Variants in ADAMTS6 observed in about 807,000 individuals in gnomAD.
ADAMTS6 encodes ADAM metallopeptidase with thrombospondin type 1 motif 6, also known as A disintegrin and metalloproteinase with thrombospondin motifs 6.
Under a neutral mutation model 144.3 loss-of-function variants are expected in ADAMTS6, and 23 were observed. The observed-to-expected ratio is 0.16, with a 90% confidence interval of 0.11 to 0.23. The LOEUF (loss-of-function observed/expected upper bound fraction) is 0.23, where lower values mean the gene tolerates loss of function less well. ADAMTS6 is among the 10% of genes least tolerant of loss of function. The probability of loss-of-function intolerance (pLI) is 1.00; values close to 1 mark genes in which losing one functional copy is unlikely to be tolerated. For missense variants in ADAMTS6, 999 were observed against 1,379.6 expected (o/e 0.72, Z 4.37); for synonymous variants, 444 against 457.5 (o/e 0.97, Z 0.38).
chr5:65,407,007 G>A lies in ADAMTS6; in HGVS notation c.1073+44468C>T, dbSNP rs577896484. On this transcript the variant is annotated intron_variant, in intron 7 of 24. Coordinates refer to ENST00000381055, the MANE Select transcript of ADAMTS6 (RefSeq NM_197941.4). ...ATGTGAAAAGACCAAATCTACGTCT[G>A]CTTGGTGTACCTGAAAGTGACAGGG... Among the ~76,000 whole-genome samples, 4 of 152,244 alleles carry A rather than the reference G, an allele frequency of 2.6e-5. No homozygotes were observed. In the South Asian group the frequency reaches 6.2e-4, roughly 24 times the overall value.
chr5:65,249,404 A>C (rs1401362221), intron 14 of ADAMTS6, among the ~76,000 whole-genome samples: 1 of 151,700 alleles, frequency 6.6e-6, no homozygotes, highest in African/African-American at 2.4e-5. Context: ...GCAGGAGTGT[A>C]CTGCATATGT....
chr5:65,434,432 G>C (rs1757228898), intron 7 of ADAMTS6, among the ~76,000 whole-genome samples: 1 of 152,024 alleles, frequency 6.6e-6, no homozygotes, highest in African/African-American at 2.4e-5. Context: ...AGGCTAAATG[G>C]GTGAATTGTA....
chr5:65,405,089 G>A (rs534474266), intron 7 of ADAMTS6, among the ~76,000 whole-genome samples: 1 of 152,208 alleles, frequency 6.6e-6, no homozygotes, highest in East Asian at 1.9e-4. Flanking sequence ...CTCCCATTCT[G>A]TAGGCTGCCT....
At chr5:65,457,621 T>C (rs1759309814) in intron 4 of ADAMTS6, among the ~76,000 whole-genome samples, 1 of 152,150 alleles carries the variant, frequency 6.6e-6, no homozygotes, top group African/African-American at 2.4e-5. Flanking sequence ...TCTTTAAATA[T>C]TTTTGCAAAA....
intron 2 of ADAMTS6, among the ~76,000 whole-genome samples, chr5:65,471,405 G>A (rs1259660136): frequency 6.6e-6 from 1 of 151,960 alleles, no homozygotes; most frequent in African/African-American, 2.4e-5. Context: ...TGGATCCTAA[G>A]AGCTAAATTC....
At chr5:65,159,070 C>T (rs1752595666) in intron 24 of ADAMTS6, among the ~76,000 whole-genome samples, 1 of 152,158 alleles carries the variant, frequency 6.6e-6, no homozygotes, top group Admixed American at 6.5e-5. Flanking sequence ...ATGTGGGAGT[C>T]ATCCTGAACG....
chr5:65,433,326 T>A (rs763569569), intron 7 of ADAMTS6, among the ~76,000 whole-genome samples: 1 of 152,100 alleles, frequency 6.6e-6, no homozygotes, highest in African/African-American at 2.4e-5. Flanking sequence ...ACCTCACACA[T>A]CATGTCATAA....
intron 7 of ADAMTS6, among the ~76,000 whole-genome samples, chr5:65,412,347 T>G (rs541756684): frequency 2.5e-4 from 38 of 152,100 alleles, no homozygotes; most frequent in African/African-American, 8.9e-4. Context: ...AGGATTAGGA[T>G]TACAGCATTA....
chr5:65,437,196 G>A (rs1162711568), intron 7 of ADAMTS6, among the ~76,000 whole-genome samples: 1 of 151,522 alleles, frequency 6.6e-6, no homozygotes, highest in Non-Finnish European at 1.5e-5. Context: ...CCAGGTTCAA[G>A]CCATTCTTCT....
At chr5:65,198,575 T>C (rs1167212550) in intron 20 of ADAMTS6, 1 of 167,114 alleles carries the variant, frequency 6.0e-6, no homozygotes, top group Non-Finnish European at 1.5e-5. Flanking sequence ...GGGCAAACTA[T>C]TAAATCCACC....
intron 7 of ADAMTS6, among the ~76,000 whole-genome samples, chr5:65,414,998 A>C (rs1307126135): frequency 1.3e-5 from 2 of 152,226 alleles, no homozygotes; most frequent in Non-Finnish European, 2.9e-5. Flanking sequence ...AATTCATTGA[A>C]AATAAAACCT....
At chr5:65,386,174 G>A (rs984041753) in intron 7 of ADAMTS6, among the ~76,000 whole-genome samples, 1 of 151,850 alleles carries the variant, frequency 6.6e-6, no homozygotes. Context: ...TGAATTCCAG[G>A]CTATATATTA....
intron 9 of ADAMTS6, among the ~76,000 whole-genome samples, chr5:65,329,021 C>T (rs1232962954): frequency 6.6e-6 from 1 of 151,898 alleles, no homozygotes. Context: ...ACTAAAAATA[C>T]ATTTTATGGT....
intron 12 of ADAMTS6, among the ~76,000 whole-genome samples, chr5:65,268,571 C>T (rs1388901800): frequency 6.6e-6 from 1 of 152,098 alleles, no homozygotes; most frequent in Non-Finnish European, 1.5e-5. Context: ...CATCAAATTT[C>T]CTCCTTTGGT....
At chr5:65,173,413 T>C (rs1251754850) in intron 22 of ADAMTS6, among the ~76,000 whole-genome samples, 2 of 152,194 alleles carry the variant, frequency 1.3e-5, no homozygotes, top group South Asian at 2.1e-4. Context: ...CCAAAAGAAC[T>C]TGTGTCTGTG....
chr5:65,225,129 T>C, intron 16 of ADAMTS6, 82 bp from the exon 17 acceptor site: 2 of 1,363,360 alleles, frequency 1.5e-6, no homozygotes, highest in Non-Finnish European at 1.9e-6. Context: ...AACTTATTTA[T>C]TTGCTTGTTT....
At chr5:65,196,338 C>T (rs527329823) in intron 21 of ADAMTS6, among the ~76,000 whole-genome samples, 1 of 151,738 alleles carries the variant, frequency 6.6e-6, no homozygotes, top group South Asian at 2.1e-4. Flanking sequence ...CTGGCTAACA[C>T]AGTGAAACCC....
chr5:65,418,100 A>G (rs1353722533), intron 7 of ADAMTS6, among the ~76,000 whole-genome samples: 4 of 152,210 alleles, frequency 2.6e-5, no homozygotes, highest in African/African-American at 7.2e-5. Flanking sequence ...AACAAAATCA[A>G]TGAAAATAAG....
chr5:65,175,885 AAC>A (rs934339389), intron 22 of ADAMTS6, among the ~76,000 whole-genome samples: 9 of 152,056 alleles, frequency 5.9e-5, no homozygotes, highest in Non-Finnish European at 4.4e-5. Flanking sequence ...AAAAAAAAAA[AAC>A]ATCTATACCA....
Sources: gnomAD v4.1 joint callset for allele counts (sites outside exome capture counted in the v4.1 genomes callset) on GRCh38, gnomAD v4.1.1 for gene constraint, MANE v1.5 for transcripts, NCBI Gene and HGNC (gene_info 2026-07-23, HGNC 2026-07-21) for gene names.